Variants in ACTL6A observed in about 807,000 individuals in gnomAD.
ACTL6A encodes the protein actin like 6A, also known as actin-like protein 6A.
ACTL6A carries 5 observed loss-of-function variants against 59.2 expected under a neutral mutation model. The ratio of observed to expected loss-of-function variants is 0.08; its 90% confidence interval spans 0.04 to 0.18. The LOEUF is 0.18. ACTL6A is among the 10% of genes least tolerant of loss of function. ACTL6A has a pLI of 1.00. For synonymous variants in ACTL6A, 154 were observed against 171.8 expected (o/e 0.90, Z 0.81); for missense variants, 285 against 526.9 (o/e 0.54, Z 4.49).
Position 179,564,304 on chromosome 3 carries a change from A to G in ACTL6A, c.25+1187A>G, listed in dbSNP as rs535207586. On this transcript the variant is annotated intron_variant, in intron 1 of 13. Coordinates refer to ENST00000429709, the MANE Select transcript of ACTL6A (RefSeq NM_004301.5). ...CTATAAAGGATGTCATTTTACAGGT[A>G]GGAAACAACAAAAATAAGATTTTTC... Among the ~76,000 whole-genome samples, 12 of 152,346 alleles carry G rather than the reference A, an allele frequency of 7.9e-5. No individual in the cohort carries two copies. In the South Asian group the frequency reaches 1.9e-3, roughly 24 times the overall value.
chr3:179,575,303 A>G (rs1169036663), intron 5 of ACTL6A: 2 of 446,308 alleles, frequency 4.5e-6, no homozygotes, highest in South Asian at 1.6e-5. Context: ...ACTCTTGCCC[A>G]TATTCCCTTC....
intron 11 of ACTL6A, 52 bp downstream of exon 11, chr3:179,581,272 A>T (rs771534204): frequency 7.2e-7 from 1 of 1,393,216 alleles, no homozygotes; most frequent in South Asian, 1.2e-5. Flanking sequence ...GGGGACTGAA[A>T]TGTCCCCAAA....
intron 12 of ACTL6A, among the ~76,000 whole-genome samples, chr3:179,585,686 A>G (rs2108372023): frequency 6.6e-6 from 1 of 152,240 alleles, no homozygotes; most frequent in East Asian, 1.9e-4. Context: ...CCCCAAAAAT[A>G]TGTTCATTTA....
At chr3:179,572,650 CA>C (rs1334998758) in intron 3 of ACTL6A, among the ~76,000 whole-genome samples, 1 of 151,920 alleles carries the variant, frequency 6.6e-6, no homozygotes, top group Non-Finnish European at 1.5e-5. Context: ...ACTAAAAATG[CA>C]AAAATTAGTT....
At chr3:179,587,160 T>C (rs1576861472) in intron 13 of ACTL6A, among the ~76,000 whole-genome samples, 2 of 152,158 alleles carry the variant, frequency 1.3e-5, no homozygotes, top group South Asian at 4.1e-4. Flanking sequence ...TTATATACAG[T>C]TTATATACTT....
chr3:179,569,194 C>A (rs553687897), intron 1 of ACTL6A, among the ~76,000 whole-genome samples: 3 of 152,280 alleles, frequency 2.0e-5, no homozygotes, highest in African/African-American at 7.2e-5. Flanking sequence ...AACTGCATCC[C>A]CTCTACTAAA....
rs151280782 is a variant in ACTL6A at position 179,583,391 on chromosome 3, A to C, written c.1065A>C (p.Thr355=). The C allele has an allele frequency of 6.2e-7, 1 of 1,613,556 alleles. No homozygotes were observed. Among genetic ancestry groups the C allele is most frequent in the African/African-American group, 1.3e-5 (1 of 75,010 alleles). Residue 355 remains threonine, a synonymous_variant, in exon 12 of 14, where the codon ACA becomes ACC. Coordinates refer to ENST00000429709, the MANE Select transcript of ACTL6A (RefSeq NM_004301.5). ...GTGTAATAGTGGCAGGAGGAAACAC[A>C]CTAATACAGAGTTTTACTGACAGGT... The part of the protein sequence containing the change: ...YGSVIVAGGN[T]LIQSFTDRLN...
In ACTL6A at chr3:179,585,755, TAAGAGA is replaced by T. The variant is rs1285180718; in HGVS notation, c.1123-786_1123-781del. The stretch of plus-strand genomic sequence containing the variant: ...CTGTCCCCAGAGGCAGATTCCTTGG[TAAGAGA>T]AAGAAAAAAACCTCTTCATATAGGA... On this transcript the variant is annotated intron_variant, in intron 12 of 13. Transcript: ENST00000429709. Among the ~76,000 whole-genome samples the T allele has an allele frequency of 2.2e-4, 34 of 152,068 alleles. 1 individual carries two copies. In the East Asian group the frequency reaches 6.2e-3, roughly 28 times the overall value.
chr3:179,588,081 G>T lies in ACTL6A; in HGVS notation c.*71G>T. The T allele has an allele frequency of 8.7e-7, 1 of 1,149,576 alleles. No homozygotes were observed. 71.2% of individuals were successfully genotyped at this position (1,149,576 alleles called of 1,614,324 possible). On this transcript the variant is annotated 3_prime_UTR_variant, in exon 14 of 14. Coordinates refer to ENST00000429709, the MANE Select transcript of ACTL6A (RefSeq NM_004301.5). Reference sequence around the variant, plus strand: ...CATAGCTTTAGTATACTCAGGAAAAGAATGACCATCTTTTGTAGAATGTTT... The same window carrying T: ...CATAGCTTTAGTATACTCAGGAAAATAATGACCATCTTTTGTAGAATGTTT...
In ACTL6A at chr3:179,580,640, T is replaced by C. The variant is rs374221322; in HGVS notation, c.769T>C (p.Cys257Arg). Residue 257 changes from cysteine (C) to arginine (R), a missense_variant and splice_region_variant, in exon 9 of 14, where the codon TGT becomes CGT. Transcript: ENST00000429709. ...TGTTACTTTTTTCTTTTACTCACAGTGTGTTATCCAGGATTTTCAAGCTTC... is the reference window on the plus strand; with the variant it reads ...TGTTACTTTTTTCTTTTACTCACAGCGTGTTATCCAGGATTTTCAAGCTTC... ...TRSWHNYMCN[C>R]VIQDFQASVL... 8 of 1,601,060 alleles carry C rather than the reference T, an allele frequency of 5.0e-6. No homozygotes were observed. The highest frequency in any genetic ancestry group is 1.7e-5 in the Admixed American group (1 of 58,338).
At chr3:179,581,287 T>A (rs953009126) in intron 11 of ACTL6A, 67 bp downstream of exon 11, 1 of 1,295,382 alleles carries the variant, frequency 7.7e-7, no homozygotes, top group Non-Finnish European at 1.1e-6. Flanking sequence ...CCCAAATCAT[T>A]GTTAGGTTGA....
chr3:179,571,559 A>G (rs1718009351), intron 3 of ACTL6A, among the ~76,000 whole-genome samples: 1 of 152,220 alleles, frequency 6.6e-6, no homozygotes, highest in Non-Finnish European at 1.5e-5. Flanking sequence ...TGTACTGAAG[A>G]TTCAGATACA....
intron 12 of ACTL6A, among the ~76,000 whole-genome samples, chr3:179,584,110 C>CTA (rs1488080023): frequency 2.0e-5 from 3 of 152,150 alleles, no homozygotes; most frequent in Admixed American, 1.3e-4. Flanking sequence ...GTTCTTGAGG[C>CTA]TAGAAGCCTC....
At chr3:179,575,553 T>G in intron 5 of ACTL6A, 3 of 414,610 alleles carry the variant, frequency 7.2e-6, no homozygotes, top group South Asian at 5.3e-5. Context: ...AGCACCAGAC[T>G]TAGTAGACAC....
chr3:179,576,821 C>T lies in ACTL6A; in HGVS notation c.679-3C>T. 2.5e-6 allele frequency: 4 copies of T among 1,613,942 alleles called. No individual in the cohort carries two copies. The South Asian group carries it at 4.4e-5, about 18-fold the overall frequency. On this transcript the variant is annotated splice_region_variant and splice_polypyrimidine_tract_variant and intron_variant, in intron 7 of 13. Coordinates refer to ENST00000429709, the MANE Select transcript of ACTL6A (RefSeq NM_004301.5). ...TTAACCTAGCATCTCTTGGTACTCT[C>T]AGGAAGCTGTTCGTGAAGGATCTCC...
chr3:179,581,368 A>G, intron 11 of ACTL6A, 148 bp downstream of exon 11: 1 of 676,740 alleles, frequency 1.5e-6, no homozygotes, highest in Non-Finnish European at 2.5e-6. Flanking sequence ...AAAAAGATGA[A>G]GTACTAGAAA....
chr3:179,581,364 A>C, intron 11 of ACTL6A, 144 bp downstream of exon 11: 1 of 694,764 alleles, frequency 1.4e-6, no homozygotes, highest in East Asian at 2.7e-5. Flanking sequence ...ATGTAAAAAG[A>C]TGAAGTACTA....
chr3:179,573,207 G>T (rs2108359934), intron 3 of ACTL6A, 162 bp from the exon 4 acceptor site: 4 of 492,016 alleles, frequency 8.1e-6, no homozygotes, highest in Middle Eastern at 5.1e-4. Context: ...GAAGGCAAAG[G>T]TAATCTCTAT....
In ACTL6A at chr3:179,570,391, T is replaced by C; in HGVS notation, c.277+150T>C. The C allele has an allele frequency of 1.5e-6, 1 of 668,526 alleles. No homozygotes were observed. Among genetic ancestry groups the C allele is most frequent in the Non-Finnish European group, 2.4e-6 (1 of 417,852 alleles). 41.4% of individuals were successfully genotyped at this position (668,526 alleles called of 1,614,324 possible). On this transcript the variant is annotated intron_variant, in intron 3 of 13. Transcript: ENST00000429709. This position sits in a 1 kb window ranked among gnomAD's most constrained non-coding sequence, Gnocchi z 4.3. ...CAAACTGATTTCCAGACACTGAGAA[T>C]ACAAAGATGCATAAGAAATGTTCCT...
Sources: allele counts gnomAD v4.1 joint callset (sites outside exome capture counted in the v4.1 genomes callset), GRCh38; gene constraint gnomAD v4.1.1; non-coding constraint Gnocchi (gnomAD v3.1); transcripts MANE v1.5; gene names NCBI Gene and HGNC (gene_info 2026-07-23, HGNC 2026-07-21).